SPATA16: variants seen among roughly 807,000 people sequenced by gnomAD.
The protein encoded by SPATA16 is spermatogenesis-associated protein 16.
Under a neutral mutation model 63.3 loss-of-function variants are expected in SPATA16, and 36 were observed. That is an observed-to-expected ratio of 0.57 (90% CI 0.44 to 0.75). The LOEUF is 0.75. SPATA16 is among the 30% of genes least tolerant of loss of function. The pLI is 0.00. For synonymous variants in SPATA16, 203 were observed against 216.7 expected (o/e 0.94, Z 0.56); for missense variants, 646 against 679.3 (o/e 0.95, Z 0.54).
At chr3:172,916,214 A>G (rs1732480317) in intron 9 of SPATA16, 103 bp downstream of exon 9, 2 of 1,411,980 alleles carry the variant, frequency 1.4e-6, no homozygotes, top group Non-Finnish European at 2.0e-6. Flanking sequence ...CCCTCAGGCT[A>G]CATTTATTAC....
chr3:172,897,989 C>T (rs1732043607), intron 10 of SPATA16, among the ~76,000 whole-genome samples: 1 of 151,872 alleles, frequency 6.6e-6, no homozygotes, highest in Non-Finnish European at 1.5e-5. Context: ...TTGTCCAATG[C>T]TTTTTCTGCA....
At chr3:172,922,729 G>A (rs989887148) in intron 8 of SPATA16, among the ~76,000 whole-genome samples, 15 of 151,874 alleles carry the variant, frequency 9.9e-5, no homozygotes, top group African/African-American at 3.6e-4. Context: ...AAGACCAGCC[G>A]GGCCAACATG....
At chr3:173,056,723 A>G (rs1018305356) in intron 2 of SPATA16, among the ~76,000 whole-genome samples, 1 of 151,156 alleles carries the variant, frequency 6.6e-6, no homozygotes, top group Non-Finnish European at 1.5e-5. Flanking sequence ...AAAAAAAAAA[A>G]AAAAAAGAAA....
chr3:173,098,668 G>C (rs1254802039), intron 2 of SPATA16, among the ~76,000 whole-genome samples: 2 of 152,050 alleles, frequency 1.3e-5, no homozygotes, highest in Non-Finnish European at 2.9e-5. Context: ...AGAATTAGAA[G>C]AGCTTATTGA....
intron 2 of SPATA16, among the ~76,000 whole-genome samples, chr3:173,102,016 C>G (rs2108326176): frequency 6.6e-6 from 1 of 152,274 alleles, no homozygotes; most frequent in Non-Finnish European, 1.5e-5. Context: ...TCAATAAAAA[C>G]TTTTGGATTC....
intron 8 of SPATA16, among the ~76,000 whole-genome samples, chr3:172,918,377 G>A (rs1485900997): frequency 1.3e-5 from 2 of 152,236 alleles, no homozygotes; most frequent in East Asian, 3.9e-4. Context: ...ATAGTGGAAG[G>A]CAACAGTTTT....
chr3:173,131,278 G>A (rs1321899646), intron 1 of SPATA16, among the ~76,000 whole-genome samples: 1 of 152,198 alleles, frequency 6.6e-6, no homozygotes, highest in African/African-American at 2.4e-5. Flanking sequence ...CTGCTTATGG[G>A]TGGGATGGAG....
At chr3:173,087,609 T>C (rs1157997486) in intron 2 of SPATA16, among the ~76,000 whole-genome samples, 1 of 152,196 alleles carries the variant, frequency 6.6e-6, no homozygotes, top group Non-Finnish European at 1.5e-5. Context: ...TGTAGTTGCT[T>C]CATCGTGTCA....
At chr3:173,082,838 G>A (rs1163032645) in intron 2 of SPATA16, among the ~76,000 whole-genome samples, 1 of 152,128 alleles carries the variant, frequency 6.6e-6, no homozygotes, top group Admixed American at 6.6e-5. Flanking sequence ...TAGTGCCTCG[G>A]ACTGTCCAAT....
intron 2 of SPATA16, among the ~76,000 whole-genome samples, chr3:173,052,738 G>A (rs972937232): frequency 2.0e-5 from 3 of 152,184 alleles, no homozygotes; most frequent in African/African-American, 7.2e-5. Flanking sequence ...TTAATGTGGT[G>A]TGAATTTGTT....
At chr3:173,104,546 G>T (rs1329248168) in intron 2 of SPATA16, among the ~76,000 whole-genome samples, 1 of 152,132 alleles carries the variant, frequency 6.6e-6, no homozygotes, top group Non-Finnish European at 1.5e-5. Flanking sequence ...CACATCACAT[G>T]GTGAGTGCAG....
intron 3 of SPATA16, among the ~76,000 whole-genome samples, chr3:173,021,684 A>G (rs1735333571): frequency 6.6e-6 from 1 of 151,824 alleles, no homozygotes; most frequent in African/African-American, 2.4e-5. Context: ...GATTCTGACA[A>G]CTTTCTTCCA....
intron 3 of SPATA16, among the ~76,000 whole-genome samples, chr3:173,032,271 C>A (rs142846280): frequency 1.2e-3 from 175 of 152,146 alleles, no homozygotes; most frequent in African/African-American, 3.9e-3. Flanking sequence ...CAACAAACAC[C>A]TATTTCTTGA....
At chr3:173,100,904 G>A (rs1348187307) in intron 2 of SPATA16, among the ~76,000 whole-genome samples, 1 of 152,082 alleles carries the variant, frequency 6.6e-6, no homozygotes, top group East Asian at 1.9e-4. Context: ...AAATGAACAT[G>A]TCAAAATATA....
Position 172,916,261 on chromosome 3 carries a change from T to G in SPATA16, c.1503+56A>C. 5 of 1,527,966 alleles carry G rather than the reference T, an allele frequency of 3.3e-6. No individual in the cohort carries two copies. In the South Asian group the frequency reaches 5.6e-5, roughly 17 times the overall value. The allele number at this position is 1,527,966 out of a possible 1,614,324, so 94.7% of individuals were successfully genotyped here. ...TTTTTTTTTTTTTCCCCAGACCATA[T>G]CACTTTTCTGTTGGCTCTGGGCCTA... On this transcript the variant is annotated intron_variant, in intron 9 of 10. Coordinates refer to ENST00000351008, the MANE Select transcript of SPATA16 (RefSeq NM_031955.6).
rs1249129903 is a variant in SPATA16 at position 173,049,056 on chromosome 3, A to G, written c.651T>C (p.Asp217=). Residue 217 remains aspartate (D), a synonymous_variant, in exon 3 of 11, where the codon GAT becomes GAC. Transcript: ENST00000351008. ...CGCTTGCTATATCTTCAGCAGGTGC[A>G]TCAAATGGTTCTCCCAGAACTGCTC... ...SKGAVLGEPF[D]APAEDIASVA... 1 of 1,613,666 alleles carries G rather than the reference A, an allele frequency of 6.2e-7. No individual in the cohort carries two copies. Among genetic ancestry groups the G allele is most frequent in the African/African-American group, 1.3e-5 (1 of 74,914 alleles).
chr3:173,106,964 TA>T (rs1446413396), intron 2 of SPATA16, among the ~76,000 whole-genome samples: 2 of 152,224 alleles, frequency 1.3e-5, no homozygotes, highest in East Asian at 1.9e-4. Flanking sequence ...TTAATATAGA[TA>T]AAGTGCCTGC....
At position 173,117,385 on chromosome 3, in the gene SPATA16, G is replaced by A. The variant is rs747693031; in HGVS notation, c.347C>T (p.Pro116Leu). ...TTCCACATCCATTATGTTCTTTAAG[G>A]GGATGTGAGGCAGAGGCATGGTGAT... ...QLITMPLPHI[P>L]LKNIMDVEMK... Residue 116 changes from proline (P) to leucine (L), a missense_variant, in exon 2 of 11, where the codon CCC becomes CTC. By Grantham distance (98) the Pro-to-Leu change is moderately conservative (BLOSUM62 -3). Coordinates refer to ENST00000351008, the MANE Select transcript of SPATA16 (RefSeq NM_031955.6). 209 of 1,614,016 alleles carry A rather than the reference G, an allele frequency of 1.3e-4. No individual in the cohort carries two copies. Among genetic ancestry groups the A allele is most frequent in the Non-Finnish European group, 1.6e-4 (187 of 1,180,012 alleles).
chr3:172,916,790 G>A (rs1196666383), intron 8 of SPATA16, among the ~76,000 whole-genome samples: 1 of 152,206 alleles, frequency 6.6e-6, no homozygotes, highest in Non-Finnish European at 1.5e-5. Flanking sequence ...TCACCCAGGA[G>A]TGATCCCACA....
Sources: allele counts gnomAD v4.1 joint callset (sites outside exome capture counted in the v4.1 genomes callset), GRCh38; gene constraint gnomAD v4.1.1; transcripts MANE v1.5; gene names NCBI Gene and HGNC (gene_info 2026-07-23, HGNC 2026-07-21).